Variants in RIMS2 observed in about 807,000 individuals in gnomAD.
RIMS2 encodes the protein regulating synaptic membrane exocytosis 2, also known as regulating synaptic membrane exocytosis protein 2.
Under a neutral mutation model 174.4 loss-of-function variants are expected in RIMS2, and 59 were observed. The observed-to-expected ratio is 0.34, with a 90% CI of 0.27 to 0.42. RIMS2 has a LOEUF of 0.42. Ranked by LOEUF, RIMS2 falls within the 10% of genes least tolerant of loss-of-function variation. RIMS2 has a pLI of 1.00. For missense variants in RIMS2, 1,620 were observed against 1,666.3 expected (o/e 0.97, Z 0.48); for synonymous variants, 606 against 572.5 (o/e 1.06, Z -0.84).
intron 19 of RIMS2, among the ~76,000 whole-genome samples, chr8:104,202,166 A>T (rs895225150): frequency 9.2e-5 from 14 of 152,198 alleles, no homozygotes; most frequent in African/African-American, 3.1e-4. Context: ...TTAAGAGATT[A>T]TATAAATAAT....
intron 1 of RIMS2, among the ~76,000 whole-genome samples, chr8:103,525,973 G>A (rs1833797883): frequency 6.6e-6 from 1 of 152,186 alleles, no homozygotes. Flanking sequence ...AGATCCTGGA[G>A]AAGAAGGAAA....
At chr8:104,173,013 G>A (rs2098841068) in intron 19 of RIMS2, among the ~76,000 whole-genome samples, 1 of 152,010 alleles carries the variant, frequency 6.6e-6, no homozygotes, top group Admixed American at 6.6e-5. Flanking sequence ...CACTAAAATA[G>A]CCTTGAAATG....
intron 19 of RIMS2, among the ~76,000 whole-genome samples, chr8:104,139,721 A>G (rs1466196205): frequency 1.3e-5 from 2 of 152,056 alleles, no homozygotes; most frequent in African/African-American, 2.4e-5. Flanking sequence ...AGATAATTTG[A>G]CTTCTTTCTT....
chr8:103,772,100 A>G (rs1420346317), intron 3 of RIMS2, among the ~76,000 whole-genome samples: 1 of 152,036 alleles, frequency 6.6e-6, no homozygotes, highest in South Asian at 2.1e-4. Flanking sequence ...AAATAAAAAT[A>G]ATATTCAAAA....
chr8:103,867,103 T>C (rs544366437), intron 3 of RIMS2, among the ~76,000 whole-genome samples: 12 of 152,058 alleles, frequency 7.9e-5, no homozygotes, highest in Admixed American at 7.9e-4. Flanking sequence ...AATAAGTTTT[T>C]ACTTAACTAA....
At chr8:103,585,928 A>G (rs926000661) in intron 1 of RIMS2, among the ~76,000 whole-genome samples, 4 of 152,102 alleles carry the variant, frequency 2.6e-5, no homozygotes, top group African/African-American at 9.7e-5. Context: ...TAAAAAAAAA[A>G]AAGAGCAGGA....
At chr8:104,010,763 G>A (rs2095735990) in intron 17 of RIMS2, among the ~76,000 whole-genome samples, 1 of 152,128 alleles carries the variant, frequency 6.6e-6, no homozygotes, top group South Asian at 2.1e-4. Context: ...TAAATTTACA[G>A]GTGAGGGGGC....
chr8:103,812,934 G>C (rs1208708140), intron 3 of RIMS2, among the ~76,000 whole-genome samples: 1 of 152,128 alleles, frequency 6.6e-6, no homozygotes, highest in Non-Finnish European at 1.5e-5. Flanking sequence ...GCTTCAAGTA[G>C]TCAGTAGAAC....
chr8:103,988,679 C>T (rs1218529380), intron 16 of RIMS2, among the ~76,000 whole-genome samples: 2 of 152,022 alleles, frequency 1.3e-5, no homozygotes, highest in East Asian at 1.9e-4. Flanking sequence ...AGGCTGGTCT[C>T]GAACTCCCGA....
At chr8:104,198,335 G>A (rs1222317099) in intron 19 of RIMS2, among the ~76,000 whole-genome samples, 4 of 152,224 alleles carry the variant, frequency 2.6e-5, no homozygotes, top group African/African-American at 9.7e-5. Context: ...TTGTGCCCCT[G>A]TTATGGTGAA....
At chr8:103,634,994 T>TG (rs2096040033) in intron 1 of RIMS2, among the ~76,000 whole-genome samples, 1 of 152,226 alleles carries the variant, frequency 6.6e-6, no homozygotes, top group South Asian at 2.1e-4. Context: ...GCTGTTTAAG[T>TG]GGGGCATTTA....
chr8:103,754,040 T>A (rs1239727950), intron 2 of RIMS2, among the ~76,000 whole-genome samples: 1 of 152,222 alleles, frequency 6.6e-6, no homozygotes, highest in Non-Finnish European at 1.5e-5. Flanking sequence ...ATTTTGGATC[T>A]TTCCTGCTTT....
chr8:104,011,875 G>C (rs2095772731), intron 17 of RIMS2, among the ~76,000 whole-genome samples: 1 of 151,910 alleles, frequency 6.6e-6, no homozygotes, highest in Non-Finnish European at 1.5e-5. Flanking sequence ...CTTTGTTTCT[G>C]TTGATTGTGA....
At chr8:103,658,632 G>T (rs1485059126) in intron 1 of RIMS2, among the ~76,000 whole-genome samples, 1 of 152,164 alleles carries the variant, frequency 6.6e-6, no homozygotes, top group Non-Finnish European at 1.5e-5. Context: ...GGAAAATGGT[G>T]TGTATCTTTT....
At chr8:103,828,564 G>T (rs2098805825) in intron 3 of RIMS2, among the ~76,000 whole-genome samples, 1 of 152,064 alleles carries the variant, frequency 6.6e-6, no homozygotes, top group Non-Finnish European at 1.5e-5. Flanking sequence ...CTGTGCAGTG[G>T]CTCTTTAGTT....
intron 2 of RIMS2, among the ~76,000 whole-genome samples, chr8:103,754,060 G>A (rs894891781): frequency 6.6e-6 from 1 of 152,076 alleles, no homozygotes; most frequent in African/African-American, 2.4e-5. Context: ...TCTCTTGTGG[G>A]CATTTAGTGC....
chr8:103,882,419 T>C (rs2154518852), intron 3 of RIMS2, among the ~76,000 whole-genome samples: 1 of 151,700 alleles, frequency 6.6e-6, no homozygotes, highest in African/African-American at 2.4e-5. Flanking sequence ...TGCAGGTTCT[T>C]CATTGTTTGA....
At chr8:104,154,374 C>T (rs1213264586) in intron 19 of RIMS2, among the ~76,000 whole-genome samples, 7 of 152,158 alleles carry the variant, frequency 4.6e-5, no homozygotes, top group Non-Finnish European at 7.4e-5. Context: ...AATATGGTAG[C>T]GCTAGTCACA....
At chr8:103,650,052 T>C (rs956485048) in intron 1 of RIMS2, among the ~76,000 whole-genome samples, 6 of 152,196 alleles carry the variant, frequency 3.9e-5, no homozygotes, top group Non-Finnish European at 8.8e-5. Context: ...CTTAGCTTTA[T>C]GGGCTTACCT....
Sources: gnomAD v4.1 joint callset for allele counts (sites outside exome capture counted in the v4.1 genomes callset) on GRCh38, gnomAD v4.1.1 for gene constraint, MANE v1.5 for transcripts, NCBI Gene and HGNC (gene_info 2026-07-23, HGNC 2026-07-21) for gene names.